The following UGT2B4 variants were observed in gnomAD, a reference collection of about 807,000 sequenced individuals.
UGT2B4 encodes UDP glucuronosyltransferase family 2 member B4, also known as UDP-glucuronosyltransferase 2B4.
Under a neutral mutation model 49.8 loss-of-function variants are expected in UGT2B4, and 49 were observed. The observed-to-expected ratio is 0.98, with a 90% CI of 0.78 to 1.25. The LOEUF (loss-of-function observed/expected upper bound fraction) is 1.25, where lower values mean the gene tolerates loss of function less well. Among genes scored for constraint, UGT2B4 ranks in the 50% most tolerant of loss-of-function variants. UGT2B4 has a pLI of 0.00. For missense variants in UGT2B4, 729 were observed against 627.7 expected (o/e 1.16, Z -1.73); for synonymous variants, 246 against 217.7 (o/e 1.13, Z -1.14).
upstream of UGT2B4, among the ~76,000 whole-genome samples, chr4:69,496,853 G>T (rs376363194): frequency 5.9e-5 from 9 of 151,642 alleles, no homozygotes; most frequent in African/African-American, 1.9e-4. Context: ...TAGCATTTAC[G>T]TGTTGATTCT....
chr4:69,487,758 CTT>C (rs1021229458), intron 3 of UGT2B4, among the ~76,000 whole-genome samples: 3 of 151,982 alleles, frequency 2.0e-5, no homozygotes, highest in Admixed American at 6.6e-5. Context: ...AAAAATAAAA[CTT>C]AATTTTAAAA....
In UGT2B4 at chr4:69,495,284, T is replaced by C. The variant is rs747625658; in HGVS notation, c.578A>G (p.Tyr193Cys). The change falls in exon 1 of 6, where the codon TAT (tyrosine) becomes TGT (cysteine). Residue 193 changes from tyrosine to cysteine, a missense_variant. Coordinates refer to ENST00000305107, the MANE Select transcript of UGT2B4 (RefSeq NM_021139.3). ...TAGTTCTGACATAACAACAGGCACA[T>C]AGGAAGGAGGGAACAGAAGTCCTCC... ...HSGGLLFPPSYVPVVMSELSD... is the reference protein window; with the variant it reads ...HSGGLLFPPSCVPVVMSELSD... The C allele has an allele frequency of 1.7e-5, 28 of 1,613,354 alleles. No individual in the cohort carries two copies. Among genetic ancestry groups the C allele is most frequent in the Middle Eastern group, 3.3e-4 (2 of 6,074 alleles).
At chr4:69,519,857 C>T (rs1378397232) in intron 1 of UGT2B4, among the ~76,000 whole-genome samples, 1 of 152,186 alleles carries the variant, frequency 6.6e-6, no homozygotes, top group African/African-American at 2.4e-5. Flanking sequence ...ATGTGTAAAA[C>T]TGCAGATTCA....
intron 3 of UGT2B4, among the ~76,000 whole-genome samples, chr4:69,488,325 T>C (rs959311027): frequency 2.0e-5 from 3 of 152,142 alleles, no homozygotes; most frequent in African/African-American, 7.2e-5. Flanking sequence ...ACAACAGTGA[T>C]TCGTATGTTT....
At chr4:69,481,114 AAAAG>A (rs1339943624) in intron 5 of UGT2B4, among the ~76,000 whole-genome samples, 1 of 146,214 alleles carries the variant, frequency 6.8e-6, no homozygotes, top group Non-Finnish European at 1.5e-5. Context: ...AAAAAAAAAA[AAAAG>A]ATTACCCAGG....
At chr4:69,491,120 T>C (rs1053383301) in intron 2 of UGT2B4, among the ~76,000 whole-genome samples, 1 of 152,132 alleles carries the variant, frequency 6.6e-6, no homozygotes. Context: ...TCTATCTTTA[T>C]AGTTCAATGT....
chr4:69,500,566 AAAG>A (rs530976134), upstream of UGT2B4, among the ~76,000 whole-genome samples: 330 of 137,068 alleles, frequency 2.4e-3, 5 homozygotes, highest in African/African-American at 8.1e-3. Flanking sequence ...GAAAGCAAGA[AAAG>A]AAAGCAAGAA....
At chr4:69,484,637 C>T (rs975276308) in intron 5 of UGT2B4, among the ~76,000 whole-genome samples, 1 of 152,060 alleles carries the variant, frequency 6.6e-6, no homozygotes, top group East Asian at 1.9e-4. Flanking sequence ...AGGGGTCATG[C>T]AGAGTGACTT....
chr4:69,497,584 G>A (rs185687707), upstream of UGT2B4, among the ~76,000 whole-genome samples: 35 of 152,308 alleles, frequency 2.3e-4, no homozygotes, highest in Middle Eastern at 6.8e-3. Flanking sequence ...CAAATTAGAA[G>A]TGGAACTTGA....
chr4:69,488,649 A>G (rs1369528554), intron 3 of UGT2B4, among the ~76,000 whole-genome samples: 3 of 151,656 alleles, frequency 2.0e-5, no homozygotes, highest in African/African-American at 4.8e-5. Context: ...TCCTTTCTAT[A>G]TTTCCTTCTG....
chr4:69,480,718 C>T lies in UGT2B4; in HGVS notation c.1503G>A (p.Val501=). Residue 501 remains valine, a synonymous_variant, in exon 6 of 6, where the codon GTG becomes GTA. Coordinates refer to ENST00000305107, the MANE Select transcript of UGT2B4 (RefSeq NM_021139.3). ...LDVTGFLLAC[V]ATVIFIITKC... is the part of the protein sequence containing the mutation. Reference sequence around the variant, plus strand: ...TTGTGATGATGAATATCACAGTTGCCACACAGGCCAGCAGGAACCCAGTCA... The same window carrying T: ...TTGTGATGATGAATATCACAGTTGCTACACAGGCCAGCAGGAACCCAGTCA... The T allele has an allele frequency of 1.1e-5, 17 of 1,613,968 alleles. No homozygotes were observed. Among genetic ancestry groups the T allele is most frequent in the Non-Finnish European group, 1.4e-5 (17 of 1,179,952 alleles).
chr4:69,521,994 A>G (rs950693412), intron 1 of UGT2B4, among the ~76,000 whole-genome samples: 9 of 152,226 alleles, frequency 5.9e-5, no homozygotes, highest in African/African-American at 1.9e-4. Context: ...TGATGATTTA[A>G]CGGGCATATA....
At chr4:69,489,634 A>G in intron 2 of UGT2B4, 64 bp from the exon 3 acceptor site, 2 of 1,545,172 alleles carry the variant, frequency 1.3e-6, no homozygotes, top group African/African-American at 1.4e-5. Flanking sequence ...CTGTGAAAGA[A>G]TTGTTATAAA....
At chr4:69,525,459 G>T (rs962855605) in intron 1 of UGT2B4, among the ~76,000 whole-genome samples, 1 of 152,064 alleles carries the variant, frequency 6.6e-6, no homozygotes, top group African/African-American at 2.4e-5. Flanking sequence ...AACATGAATG[G>T]CATGTTTGGA....
upstream of UGT2B4, among the ~76,000 whole-genome samples, chr4:69,499,258 T>C (rs888775413): frequency 1.3e-5 from 2 of 152,204 alleles, no homozygotes; most frequent in African/African-American, 4.8e-5. Context: ...TATTTTCATT[T>C]GCTAAGGAGT....
chr4:69,506,917 A>G (rs1728484566), intron 1 of UGT2B4, among the ~76,000 whole-genome samples: 1 of 152,200 alleles, frequency 6.6e-6, no homozygotes, highest in South Asian at 2.1e-4. Flanking sequence ...AGGTTGACTC[A>G]GCCTACGGAA....
At chr4:69,498,934 C>T (rs187466858), upstream of UGT2B4, among the ~76,000 whole-genome samples, 2 of 152,214 alleles carry the variant, frequency 1.3e-5, no homozygotes, top group East Asian at 3.9e-4. Flanking sequence ...ACTTGGCTCT[C>T]TAGTTCTTTT....
rs966242851 is a variant in UGT2B4, at chr4:69,509,204, T to A, written c.-105-13238A>T. ...TTTTTTTTTTGAGACAGGGTCTCACTCTGCTACCCAGACTGGCAATGCAGT... is the reference window on the plus strand; with the variant it reads ...TTTTTTTTTTGAGACAGGGTCTCACACTGCTACCCAGACTGGCAATGCAGT... On this transcript the variant is annotated intron_variant, in intron 1 of 1. Coordinates refer to the UGT2B4 transcript ENST00000510114. Among the ~76,000 whole-genome samples, 4 of 136,168 alleles carry A rather than the reference T, an allele frequency of 2.9e-5. No homozygotes were observed. The Admixed American group carries it at 3.3e-4, about 11-fold the overall frequency. 89.3% of individuals were successfully genotyped at this position (136,168 alleles called of 152,430 possible).
intron 1 of UGT2B4, among the ~76,000 whole-genome samples, chr4:69,505,938 C>T (rs7659439): frequency 0.21 from 31,414 of 151,434 alleles, 3,381 homozygotes; most frequent in Middle Eastern, 0.26. Context: ...TTACATTGAA[C>T]GACTTTTGGG....
Sources: allele counts gnomAD v4.1 joint callset (sites outside exome capture counted in the v4.1 genomes callset), GRCh38; gene constraint gnomAD v4.1.1; transcripts MANE v1.5; gene names NCBI Gene and HGNC (gene_info 2026-07-23, HGNC 2026-07-21).